Variants in PHF6 observed in about 807,000 individuals in gnomAD.
The protein encoded by PHF6 is PHD-like zinc finger protein.
Under a neutral mutation model 34.0 loss-of-function variants are expected in PHF6, and 7 were observed. The observed-to-expected ratio is 0.21, with a 90% confidence interval of 0.12 to 0.39. The LOEUF (loss-of-function observed/expected upper bound fraction) is 0.39, where lower values mean the gene tolerates loss of function less well. Among genes scored for constraint, PHF6 ranks in the 10% least tolerant of loss-of-function variants. The pLI, the probability that PHF6 is intolerant of heterozygous loss-of-function variation, is 1.00. For missense variants in PHF6, 128 were observed against 262.8 expected (o/e 0.49, Z 3.55); for synonymous variants, 89 against 88.4 (o/e 1.01, Z -0.04).
chrX:134,376,120 A>G (rs943165116), intron 1 of PHF6, among the ~76,000 whole-genome samples: 1 of 112,088 alleles, frequency 8.9e-6, no homozygotes, highest in Non-Finnish European at 1.9e-5. Flanking sequence ...ATGGATGAGA[A>G]GACATGTTTT....
chrX:134,377,053 G>A (rs2077280605), intron 1 of PHF6, among the ~76,000 whole-genome samples: 1 of 111,594 alleles, frequency 9.0e-6, no homozygotes, highest in African/African-American at 3.3e-5. Context: ...TTATCGCCTT[G>A]AAAGGGCACC....
At chrX:134,409,778 A>G (rs1334314794) in intron 5 of PHF6, among the ~76,000 whole-genome samples, 1 of 109,771 alleles carries the variant, frequency 9.1e-6, no homozygotes, top group Non-Finnish European at 1.9e-5. Flanking sequence ...ATAATACCCA[A>G]TAGTTAGTTT....
In PHF6 at chrX:134,426,442, A is replaced by T. The variant is rs2077507828; in HGVS notation, c.*782A>T. On this transcript the variant is annotated 3_prime_UTR_variant, in exon 11 of 11. Transcript: ENST00000370803. Reference sequence around the variant, plus strand: ...AAGAAAGGGTTACCGCTTGCTAAGGACTTCAGACACCATGTCCGAAACCTG... The same window carrying T: ...AAGAAAGGGTTACCGCTTGCTAAGGTCTTCAGACACCATGTCCGAAACCTG... 2 of 160,871 alleles carry T rather than the reference A, an allele frequency of 1.2e-5. No homozygotes were observed. Among genetic ancestry groups the T allele is most frequent in the Admixed American group, 1.7e-4 (2 of 12,116 alleles). 13.3% of individuals were successfully genotyped at this position (160,871 alleles called of 1,213,427 possible).
chrX:134,400,378 C>T (rs1241997443), intron 5 of PHF6, among the ~76,000 whole-genome samples: 1 of 106,286 alleles, frequency 9.4e-6, no homozygotes, highest in East Asian at 2.9e-4. Flanking sequence ...GAGCCACCCT[C>T]CCAGCCTTTG....
At chrX:134,389,757 G>A (rs2077345630) in intron 3 of PHF6, among the ~76,000 whole-genome samples, 1 of 111,135 alleles carries the variant, frequency 9.0e-6, no homozygotes, top group Admixed American at 9.6e-5. Flanking sequence ...TCCTCCAACT[G>A]GATTGATCTC....
intron 3 of PHF6, 40 bp from the exon 4 acceptor site, chrX:134,393,461 A>G (rs2077363481): frequency 2.5e-6 from 3 of 1,197,315 alleles, no homozygotes; most frequent in Non-Finnish European, 3.4e-6. Flanking sequence ...AGCCTTAGAA[A>G]GTCACATACT....
intron 9 of PHF6, among the ~76,000 whole-genome samples, chrX:134,424,980 C>G (rs1306432325): frequency 9.0e-6 from 1 of 111,710 alleles, no homozygotes; most frequent in Non-Finnish European, 1.9e-5. Context: ...TCATCCTAAA[C>G]CAGAGATTTT....
chrX:134,395,065 C>G (rs1300210823), intron 5 of PHF6, among the ~76,000 whole-genome samples: 1 of 107,243 alleles, frequency 9.3e-6, no homozygotes, highest in Non-Finnish European at 1.9e-5. Flanking sequence ...GTTGGCCAGG[C>G]TGGTCTGGAA....
intron 9 of PHF6, chrX:134,420,283 G>T (rs2124256096): frequency 9.7e-6 from 1 of 102,894 alleles, no homozygotes; most frequent in African/African-American, 3.6e-5. Flanking sequence ...ACTCCAGCCT[G>T]GGCGACAGAG....
At chrX:134,412,864 G>A (rs1349514595) in intron 5 of PHF6, among the ~76,000 whole-genome samples, 1 of 111,673 alleles carries the variant, frequency 9.0e-6, no homozygotes, top group African/African-American at 3.2e-5. Context: ...TTAATTACTT[G>A]ATCCATTAGT....
chrX:134,408,366 G>T (rs1318309547), intron 5 of PHF6, among the ~76,000 whole-genome samples: 2 of 111,977 alleles, frequency 1.8e-5, no homozygotes, highest in Non-Finnish European at 3.8e-5. Flanking sequence ...TTAGAAATGG[G>T]GTTGCCAAGT....
At chrX:134,410,670 C>T (rs1325754251) in intron 5 of PHF6, among the ~76,000 whole-genome samples, 2 of 96,811 alleles carry the variant, frequency 2.1e-5, no homozygotes, top group South Asian at 4.8e-4. Context: ...ATTTTTGAGA[C>T]AGAGTCTTGC....
At chrX:134,391,700 A>G (rs1224121405) in intron 3 of PHF6, among the ~76,000 whole-genome samples, 1 of 112,101 alleles carries the variant, frequency 8.9e-6, no homozygotes, top group Non-Finnish European at 1.9e-5. Flanking sequence ...TTGATGCGTT[A>G]AAAAAATAGA....
intron 3 of PHF6, among the ~76,000 whole-genome samples, chrX:134,378,524 A>T (rs1195465434): frequency 8.9e-6 from 1 of 112,431 alleles, no homozygotes; most frequent in African/African-American, 3.2e-5. Context: ...GGAAAATATT[A>T]GCACTTGCTG....
chrX:134,379,773 A>T (rs1202557733), intron 3 of PHF6, among the ~76,000 whole-genome samples: 1 of 111,320 alleles, frequency 9.0e-6, no homozygotes, highest in Non-Finnish European at 1.9e-5. Context: ...TGTGGATTTT[A>T]TTTGGTGGTT....
intron 3 of PHF6, among the ~76,000 whole-genome samples, chrX:134,382,725 G>A (rs1244903412): frequency 9.2e-6 from 1 of 108,599 alleles, no homozygotes; most frequent in Non-Finnish European, 1.9e-5. Flanking sequence ...CCACCACCAC[G>A]CCCAGCTAAT....
chrX:134,402,830 C>A (rs1411257154), intron 5 of PHF6, among the ~76,000 whole-genome samples: 1 of 111,952 alleles, frequency 8.9e-6, no homozygotes, highest in Non-Finnish European at 1.9e-5. Flanking sequence ...CAAACCTTTT[C>A]ATTTTTTTAT....
intron 3 of PHF6, among the ~76,000 whole-genome samples, chrX:134,381,780 C>CA (rs1374771630): frequency 9.0e-6 from 1 of 111,263 alleles, no homozygotes; most frequent in Non-Finnish European, 1.9e-5. Context: ...CGTGCACCAC[C>CA]ATGCCTGGCC....
At chrX:134,379,622 A>G (rs973166664) in intron 3 of PHF6, among the ~76,000 whole-genome samples, 1 of 108,130 alleles carries the variant, frequency 9.2e-6, no homozygotes, top group African/African-American at 3.4e-5. Flanking sequence ...TTGTATTTTT[A>G]GTAGACACGG....
Sources: gnomAD v4.1 joint callset for allele counts (sites outside exome capture counted in the v4.1 genomes callset) on GRCh38, gnomAD v4.1.1 for gene constraint, MANE v1.5 for transcripts, NCBI Gene and HGNC (gene_info 2026-07-23, HGNC 2026-07-21) for gene names.